Variants in EMC7 observed in about 807,000 individuals in gnomAD.
The protein encoded by EMC7 is ER membrane protein complex subunit 7.
EMC7 carries 4 observed loss-of-function variants against 24.4 expected under a neutral mutation model. That is an observed-to-expected ratio of 0.16 (90% CI 0.08 to 0.38). The LOEUF (loss-of-function observed/expected upper bound fraction) is 0.38. Ranked by LOEUF, EMC7 falls within the 10% of genes least tolerant of loss-of-function variation. The pLI is 1.00. For synonymous variants in EMC7, 106 were observed against 112.0 expected (o/e 0.95, Z 0.34); for missense variants, 221 against 300.6 (o/e 0.74, Z 1.96).
chr15:34,091,227 A>G (rs1293090910), intron 2 of EMC7, among the ~76,000 whole-genome samples: 1 of 152,152 alleles, frequency 6.6e-6, no homozygotes, highest in African/African-American at 2.4e-5. Flanking sequence ...TATCATTTCT[A>G]TGGCAGTCTT....
intron 4 of EMC7, among the ~76,000 whole-genome samples, chr15:34,087,657 T>C (rs1167336886): frequency 6.6e-6 from 1 of 152,202 alleles, no homozygotes; most frequent in Non-Finnish European, 1.5e-5. Context: ...TGCAGTAAGA[T>C]GTTTTAGCTA....
chr15:34,096,577 G>C (rs1441121834), intron 1 of EMC7, among the ~76,000 whole-genome samples: 1 of 152,148 alleles, frequency 6.6e-6, no homozygotes, highest in Non-Finnish European at 1.5e-5. Flanking sequence ...TATGGGTAGA[G>C]ATGACAGGTG....
At chr15:34,098,909 AATAAC>A (rs965344250) in intron 1 of EMC7, among the ~76,000 whole-genome samples, 1 of 145,974 alleles carries the variant, frequency 6.9e-6, no homozygotes, top group African/African-American at 2.5e-5. Context: ...ACTTGAGAAA[AATAAC>A]ATAAAGTTTG....
At chr15:34,099,835 G>C (rs1001545947) in intron 1 of EMC7, among the ~76,000 whole-genome samples, 1 of 151,746 alleles carries the variant, frequency 6.6e-6, no homozygotes, top group African/African-American at 2.4e-5. Context: ...AAACTCCTGG[G>C]CTCAAGCGAT....
At chr15:34,084,719 G>C (rs1187662593) in intron 4 of EMC7, among the ~76,000 whole-genome samples, 2 of 145,084 alleles carry the variant, frequency 1.4e-5, no homozygotes, top group African/African-American at 5.1e-5. Flanking sequence ...ATAAATGACT[G>C]CCTAGGGTTT....
intron 2 of EMC7, 144 bp from the exon 3 acceptor site, chr15:34,090,599 A>C: frequency 1.1e-6 from 1 of 881,112 alleles, no homozygotes; most frequent in South Asian, 2.7e-5. Context: ...TTTGATCTTG[A>C]AAATCTGACC....
rs751716052 is a variant in EMC7 at position 34,090,482 on chromosome 15, C to G, written c.357-27G>C. On this transcript the variant is annotated intron_variant, in intron 2 of 4. Transcript: ENST00000256545. ...TGATAAAGCAACATGGGGAAAGCAA[C>G]AGTAATTCCATTAAAAACATTACTG... is the stretch of plus-strand genomic sequence containing the variant. 2.2e-5 allele frequency: 35 copies of G among 1,592,978 alleles called. No individual in the cohort carries two copies. The East Asian group carries it at 7.7e-4, about 35-fold the overall frequency.
At chr15:34,100,802 G>A (rs1252921303) in intron 1 of EMC7, 1 of 152,086 alleles carries the variant, frequency 6.6e-6, no homozygotes, top group Non-Finnish European at 1.5e-5. Context: ...TCCAAGTAAG[G>A]GTGGAAAGAT....
At chr15:34,100,611 T>C (rs1170194044) in intron 1 of EMC7, 1 of 152,206 alleles carries the variant, frequency 6.6e-6, no homozygotes, top group African/African-American at 2.4e-5. Flanking sequence ...TGTCACTATT[T>C]ATTAATCTGA....
chr15:34,084,198 A>T lies in EMC7; in HGVS notation c.*136T>A. ...ACCAAGTACAAAACATGTGCTAAAA[A>T]GTTAACATACACAGTTGTAAGAGAT... On this transcript the variant is annotated 3_prime_UTR_variant, in exon 5 of 5. Coordinates refer to ENST00000256545, the MANE Select transcript of EMC7 (RefSeq NM_020154.3). 9.0e-7 allele frequency: 1 copy of T among 1,113,880 alleles called. No homozygotes were observed. Among genetic ancestry groups the T allele is most frequent in the South Asian group, 1.8e-5 (1 of 55,252 alleles). The allele number at this position is 1,113,880 out of a possible 1,614,324, so 69.0% of individuals were successfully genotyped here.
intron 1 of EMC7, among the ~76,000 whole-genome samples, chr15:34,098,994 T>C (rs1901132456): frequency 6.6e-6 from 1 of 152,138 alleles, no homozygotes; most frequent in South Asian, 2.1e-4. Context: ...GATCCTGATT[T>C]GAAAGAACAA....
intron 4 of EMC7, chr15:34,086,331 T>C (rs537930604): frequency 1.9e-4 from 44 of 236,384 alleles, no homozygotes; most frequent in Middle Eastern, 2.4e-3. Context: ...AAGTAGGAGA[T>C]GGTGCCACCT....
At chr15:34,100,209 T>C (rs2705351) in intron 1 of EMC7, among the ~76,000 whole-genome samples, 150,624 of 152,324 alleles carry the variant, frequency 0.99, 74,495 homozygotes, top group Middle Eastern at 1. Context: ...GACATGATGG[T>C]GTCCGCCTGT....
chr15:34,086,167 T>C, intron 4 of EMC7: 1 of 407,224 alleles, frequency 2.5e-6, no homozygotes, highest in South Asian at 2.0e-5. Context: ...ATCTGGCCCT[T>C]GAATCTTCTA....
chr15:34,090,489 T>A, intron 2 of EMC7, 34 bp from the exon 3 acceptor site: 1 of 1,591,388 alleles, frequency 6.3e-7, no homozygotes, highest in African/African-American at 1.4e-5. Flanking sequence ...CAACAGTAAT[T>A]CCATTAAAAA....
chr15:34,094,107 T>C (rs533791959), intron 2 of EMC7, among the ~76,000 whole-genome samples: 1 of 151,904 alleles, frequency 6.6e-6, no homozygotes, highest in African/African-American at 2.4e-5. Context: ...CCTGATAATA[T>C]CAAGAATATT....
chr15:34,085,444 T>TA (rs1900863921), intron 4 of EMC7, among the ~76,000 whole-genome samples: 1 of 152,154 alleles, frequency 6.6e-6, no homozygotes, highest in Non-Finnish European at 1.5e-5. Flanking sequence ...CATTCATACA[T>TA]GAAAAAGATA....
chr15:34,100,316 G>A (rs72720718), intron 1 of EMC7, among the ~76,000 whole-genome samples: 1,553 of 152,304 alleles, frequency 0.01, 17 homozygotes, highest in Non-Finnish European at 0.016. Flanking sequence ...ACTCCAGGCT[G>A]AGTAACAGAA....
intron 2 of EMC7, among the ~76,000 whole-genome samples, chr15:34,091,276 T>G (rs1182620901): frequency 6.6e-6 from 1 of 152,230 alleles, no homozygotes; most frequent in Non-Finnish European, 1.5e-5. Context: ...TTAAATTATT[T>G]TACAGTCTAT....
Sources: gnomAD v4.1 joint callset for allele counts (sites outside exome capture counted in the v4.1 genomes callset) on GRCh38, gnomAD v4.1.1 for gene constraint, MANE v1.5 for transcripts, NCBI Gene and HGNC (gene_info 2026-07-23, HGNC 2026-07-21) for gene names.